Variants in EFCAB6 observed in about 807,000 individuals in gnomAD.
EFCAB6 encodes EF-hand calcium-binding domain-containing protein 6.
In EFCAB6, 156 loss-of-function variants were observed where a neutral mutation model predicts 169.8. The ratio of observed to expected loss-of-function variants is 0.92; its 90% CI spans 0.81 to 1.05. EFCAB6 has a LOEUF of 1.05. EFCAB6 is among the 50% of genes least tolerant of loss of function. EFCAB6 has a pLI of 0.00. For missense variants in EFCAB6, 1,800 were observed against 1,829.1 expected (o/e 0.98, Z 0.29); for synonymous variants, 698 against 676.4 (o/e 1.03, Z -0.50).
At chr22:43,561,732 C>T (rs1478940015) in intron 26 of EFCAB6, among the ~76,000 whole-genome samples, 3 of 152,170 alleles carry the variant, frequency 2.0e-5, no homozygotes, top group Non-Finnish European at 4.4e-5. Flanking sequence ...CTTGGTCTGG[C>T]GCTTCTGTGT....
At chr22:43,610,113 T>C (rs1019490186) in intron 21 of EFCAB6, among the ~76,000 whole-genome samples, 2 of 152,244 alleles carry the variant, frequency 1.3e-5, no homozygotes, top group African/African-American at 4.8e-5. Flanking sequence ...AACATCTTCA[T>C]GACTCCAGAG....
intron 5 of EFCAB6, among the ~76,000 whole-genome samples, chr22:43,758,686 C>G (rs966848414): frequency 2.0e-5 from 3 of 152,170 alleles, no homozygotes; most frequent in African/African-American, 7.2e-5. Context: ...AATCTCAGAC[C>G]TTTCATCTAG....
Position 43,572,696 on chromosome 22 carries a change from C to T in EFCAB6, c.3420+3601G>A, listed in dbSNP as rs1456790797. 1.3e-5 allele frequency among the ~76,000 whole-genome samples: 2 copies of T among 152,284 alleles called. No individual in the cohort carries two copies. Among genetic ancestry groups the T allele is most frequent in the Admixed American group, 6.5e-5 (1 of 15,300 alleles). On this transcript the variant is annotated intron_variant, in intron 26 of 31. Transcript: ENST00000262726. The surrounding 1 kb of genome is among the most constrained non-coding windows in gnomAD (Gnocchi z 4.0). ...TCCTCGTCGCTCGGATGTCACCCCT[C>T]GACAGGCCCTCCCTTCTGCTCTGCT... is the stretch of plus-strand genomic sequence containing the variant.
chr22:43,560,741 C>T (rs971074529), intron 26 of EFCAB6, among the ~76,000 whole-genome samples: 2 of 152,148 alleles, frequency 1.3e-5, no homozygotes, highest in Admixed American at 6.5e-5. Context: ...TCCGGGAGGC[C>T]GAGAAATGCC....
chr22:43,620,435 G>A (rs999725596), intron 20 of EFCAB6, among the ~76,000 whole-genome samples: 1 of 151,952 alleles, frequency 6.6e-6, no homozygotes, highest in African/African-American at 2.4e-5. Context: ...AGAAGACCAT[G>A]GAACAACATT....
intron 5 of EFCAB6, among the ~76,000 whole-genome samples, chr22:43,763,452 T>C (rs1362917571): frequency 1.3e-5 from 2 of 152,108 alleles, no homozygotes. Context: ...TCTAGAACAT[T>C]TTTATCTTGC....
chr22:43,735,895 C>G lies in EFCAB6; in HGVS notation c.606G>C (p.Glu202Asp). 1 of 1,614,160 alleles carries G rather than the reference C, an allele frequency of 6.2e-7. No individual in the cohort carries two copies. Among genetic ancestry groups the G allele is most frequent in the Non-Finnish European group, 8.5e-7 (1 of 1,180,032 alleles). The change falls in exon 7 of 32, where the codon GAG (glutamate) becomes GAC (aspartate). Residue 202 changes from glutamate to aspartate, a missense_variant. Physicochemically the swap from Glu to Asp is conservative, Grantham distance 45. Transcript: ENST00000262726. ...CGTCTCTTAACTTCATACAGAAGGT[C>G]TCCAGAACCCTTCTTAGCTCCTGCG... ...VRPQELRRVL[E>D]TFCMKLRDEE... is the part of the protein sequence containing the mutation.
intron 1 of EFCAB6, among the ~76,000 whole-genome samples, chr22:43,810,430 C>A (rs917532993): frequency 3.3e-5 from 5 of 152,182 alleles, no homozygotes; most frequent in African/African-American, 1.2e-4. Context: ...GCTTTTAATA[C>A]TGAAAGGGTA....
intron 17 of EFCAB6, among the ~76,000 whole-genome samples, chr22:43,651,066 G>T (rs1569318317): frequency 6.6e-6 from 1 of 152,200 alleles, no homozygotes; most frequent in African/African-American, 2.4e-5. Flanking sequence ...TCAAGCTGGT[G>T]GCAGAAATGT....
In EFCAB6 at chr22:43,528,841, C is replaced by G; in HGVS notation, c.*12G>C. The G allele has an allele frequency of 1.3e-6, 2 of 1,597,522 alleles. No homozygotes were observed. The highest frequency in any genetic ancestry group is 8.6e-7 in the Non-Finnish European group (1 of 1,166,446). On this transcript the variant is annotated 3_prime_UTR_variant, in exon 32 of 32. Coordinates refer to ENST00000262726, the MANE Select transcript of EFCAB6 (RefSeq NM_022785.4). ...TGTGGCTGTCGTCCCGCTGGGCACA[C>G]AGCAGGGGTGTCTACTGGAGGAATG...
chr22:43,772,907 C>T lies in EFCAB6; in HGVS notation c.336G>A (p.Gln112=). ...CATACAGCACCTGAGCCAACACGTC[C>T]TGAAACTGTTCTCGTGTGAGCGGCA... The part of the protein sequence containing the change: ...FLMPLTREQF[Q]DVLAQIPLST... The change falls in exon 4 of 32, where the codon CAG becomes CAA. Residue 112 remains glutamine, a synonymous_variant. Coordinates refer to ENST00000262726, the MANE Select transcript of EFCAB6 (RefSeq NM_022785.4). 1 of 1,614,192 alleles carries T rather than the reference C, an allele frequency of 6.2e-7. No individual in the cohort carries two copies. Among genetic ancestry groups the T allele is most frequent in the South Asian group, 1.1e-5 (1 of 91,072 alleles).
chr22:43,701,727 T>TAA (rs60568189), intron 10 of EFCAB6, among the ~76,000 whole-genome samples: 38 of 97,418 alleles, frequency 3.9e-4, no homozygotes, highest in Non-Finnish European at 5.5e-4. Context: ...TTTTAAACAA[T>TAA]AAAAAAAAAA....
At chr22:43,722,519 G>C (rs1319308436) in intron 8 of EFCAB6, among the ~76,000 whole-genome samples, 6 of 129,474 alleles carry the variant, frequency 4.6e-5, no homozygotes, top group Non-Finnish European at 9.6e-5. Context: ...GAAAGAGTGA[G>C]ACTGCATCTC....
At chr22:43,756,404 C>T (rs545255256) in intron 5 of EFCAB6, among the ~76,000 whole-genome samples, 26 of 152,282 alleles carry the variant, frequency 1.7e-4, no homozygotes, top group South Asian at 4.1e-4. Flanking sequence ...GCTTCGTGGT[C>T]AATGCATCTA....
intron 27 of EFCAB6, among the ~76,000 whole-genome samples, chr22:43,543,017 T>A (rs1016676213): frequency 6.6e-6 from 1 of 152,124 alleles, no homozygotes; most frequent in African/African-American, 2.4e-5. Flanking sequence ...CTGCTTACGA[T>A]GTAGAAAAGT....
At chr22:43,756,712 G>A (rs1030236517) in intron 5 of EFCAB6, among the ~76,000 whole-genome samples, 2 of 152,178 alleles carry the variant, frequency 1.3e-5, no homozygotes, top group Non-Finnish European at 2.9e-5. Context: ...GTGCCATGAA[G>A]AACATAAAGA....
chr22:43,784,631 A>ATATATACACACATATATG (rs2061988483), intron 2 of EFCAB6, among the ~76,000 whole-genome samples: 1 of 42,376 alleles, frequency 2.4e-5, no homozygotes, highest in African/African-American at 8.4e-5. Context: ...ACACATATAT[A>ATATATACACACATATATG]TGTATATGTA....
chr22:43,791,460 A>T (rs931591526), intron 2 of EFCAB6, among the ~76,000 whole-genome samples: 2 of 152,134 alleles, frequency 1.3e-5, no homozygotes, highest in Non-Finnish European at 2.9e-5. Context: ...GTAGGTGCAA[A>T]AAAAGAAAAG....
intron 26 of EFCAB6, among the ~76,000 whole-genome samples, chr22:43,568,558 G>C (rs549050076): frequency 6.6e-6 from 1 of 152,266 alleles, no homozygotes; most frequent in East Asian, 1.9e-4. Flanking sequence ...GTGGAGGCTA[G>C]GAATCAAGAA....
Sources: allele counts gnomAD v4.1 joint callset (sites outside exome capture counted in the v4.1 genomes callset), GRCh38; gene constraint gnomAD v4.1.1; non-coding constraint Gnocchi (gnomAD v3.1); transcripts MANE v1.5; gene names NCBI Gene and HGNC (gene_info 2026-07-23, HGNC 2026-07-21).